LCMT1: variants seen among roughly 807,000 people sequenced by gnomAD.
LCMT1 encodes the protein leucine carboxyl methyltransferase 1, also known as [Phosphatase 2A protein]-leucine-carboxy methyltransferase 1.
In LCMT1, 32 loss-of-function variants were observed where a neutral mutation model predicts 47.7. The ratio of observed to expected loss-of-function variants is 0.67; its 90% CI spans 0.51 to 0.90. LCMT1 has a LOEUF of 0.90. LCMT1 is among the 40% of genes least tolerant of loss of function. The probability of loss-of-function intolerance (pLI) is 0.00; values close to 1 mark genes in which losing one functional copy is unlikely to be tolerated. For missense variants in LCMT1, 375 were observed against 415.2 expected (o/e 0.90, Z 0.84); for synonymous variants, 152 against 149.7 (o/e 1.02, Z -0.11).
intron 1 of LCMT1, among the ~76,000 whole-genome samples, chr16:25,124,885 T>C (rs1960114578): frequency 6.6e-6 from 1 of 152,168 alleles, no homozygotes; most frequent in Admixed American, 6.5e-5. Context: ...TACAGTGTTG[T>C]GTTAGAAAAT....
intron 3 of LCMT1, among the ~76,000 whole-genome samples, chr16:25,139,807 C>T (rs1047833304): frequency 1.3e-5 from 2 of 152,140 alleles, no homozygotes; most frequent in Non-Finnish European, 2.9e-5. Context: ...GTTGAGATTA[C>T]AGTCGTGAGC....
chr16:25,134,543 G>C (rs910965723), intron 3 of LCMT1, among the ~76,000 whole-genome samples: 2 of 152,122 alleles, frequency 1.3e-5, no homozygotes, highest in Non-Finnish European at 2.9e-5. Context: ...AGCCTCTGTG[G>C]TTTTTCAGGA....
At chr16:25,128,703 A>G (rs1960262590) in intron 2 of LCMT1, 137 bp downstream of exon 2, 1 of 651,900 alleles carries the variant, frequency 1.5e-6, no homozygotes, top group Non-Finnish European at 2.7e-6. Flanking sequence ...CTTCACCAAC[A>G]CGGTGTGTTA....
At chr16:25,112,078 C>G in intron 1 of LCMT1, 82 bp downstream of exon 1, 1 of 924,240 alleles carries the variant, frequency 1.1e-6, no homozygotes, top group Non-Finnish European at 1.7e-6. Context: ...GAAGAATACG[C>G]TCAAGGCTGG....
intron 5 of LCMT1, among the ~76,000 whole-genome samples, chr16:25,152,819 C>T (rs58025637): frequency 0.02 from 3,111 of 152,222 alleles, 98 homozygotes; most frequent in African/African-American, 0.072. Context: ...CAATTTTCTC[C>T]GTTTTTTCCC....
intron 4 of LCMT1, chr16:25,142,681 C>G (rs1960729699): frequency 6.6e-6 from 1 of 152,088 alleles, no homozygotes; most frequent in Non-Finnish European, 1.5e-5. Context: ...ATCTTTATAC[C>G]CAGCAGGGAC....
chr16:25,140,098 G>A, intron 3 of LCMT1, 73 bp from the exon 4 acceptor site: 1 of 1,134,368 alleles, frequency 8.8e-7, no homozygotes, highest in Non-Finnish European at 1.3e-6. Context: ...TAGGTGCCTA[G>A]TGCTTGATAT....
chr16:25,170,721 G>A lies in LCMT1; in HGVS notation c.800G>A (p.Arg267Gln), dbSNP rs1377550820. ...TCKSLESQKE[R>Q]LLSNGWETAS... ...CTTCGTTGCACATTTTAGAAAGAAC[G>A]GCTCCTGTCGAATGGGTGGGAAACA... is the stretch of plus-strand genomic sequence containing the variant. The change falls in exon 9 of 11, where the codon CGG becomes CAG. Residue 267 changes from arginine to glutamine, a missense_variant. Coordinates refer to ENST00000399069, the MANE Select transcript of LCMT1 (RefSeq NM_016309.3). 6.2e-6 allele frequency: 10 copies of A among 1,612,770 alleles called. No homozygotes were observed. The highest frequency in any genetic ancestry group is 1.3e-5 in the African/African-American group (1 of 74,872).
chr16:25,118,382 C>A (rs1959864712), intron 1 of LCMT1, among the ~76,000 whole-genome samples: 1 of 152,058 alleles, frequency 6.6e-6, no homozygotes, highest in African/African-American at 2.4e-5. Flanking sequence ...CTGCTTAGTT[C>A]CACATTATCT....
At chr16:25,135,817 G>A (rs1960486831) in intron 3 of LCMT1, among the ~76,000 whole-genome samples, 1 of 152,140 alleles carries the variant, frequency 6.6e-6, no homozygotes, top group Non-Finnish European at 1.5e-5. Flanking sequence ...GGGGCCAGGT[G>A]CAGTTGGTCA....
chr16:25,166,721 T>G (rs1345566392), intron 7 of LCMT1, among the ~76,000 whole-genome samples: 1 of 152,236 alleles, frequency 6.6e-6, no homozygotes, highest in Non-Finnish European at 1.5e-5. Flanking sequence ...GATCTAGGGC[T>G]AGCCCTTGGT....
At chr16:25,120,739 GTTTTT>G (rs972134934) in intron 1 of LCMT1, among the ~76,000 whole-genome samples, 1 of 103,576 alleles carries the variant, frequency 9.7e-6, no homozygotes, top group African/African-American at 3.7e-5. Context: ...TTGTTTTTTT[GTTTTT>G]TTTTTTTGTT....
intron 7 of LCMT1, 87 bp from the exon 8 acceptor site, chr16:25,169,025 G>A: frequency 1.0e-6 from 1 of 970,056 alleles, no homozygotes; most frequent in Non-Finnish European, 1.6e-6. Flanking sequence ...GTCAGCCTCG[G>A]CTGCTTAAAA....
At chr16:25,156,908 C>G (rs532897356) in intron 5 of LCMT1, among the ~76,000 whole-genome samples, 6 of 150,268 alleles carry the variant, frequency 4.0e-5, no homozygotes, top group Admixed American at 2.0e-4. Flanking sequence ...CTGTACAGTC[C>G]GGAAATCTGC....
intron 1 of LCMT1, among the ~76,000 whole-genome samples, chr16:25,125,331 T>C (rs1014588648): frequency 1.3e-5 from 2 of 152,256 alleles, no homozygotes; most frequent in African/African-American, 4.8e-5. Flanking sequence ...CTGTGTTCAG[T>C]GTTCCTGCAG....
intron 7 of LCMT1, among the ~76,000 whole-genome samples, chr16:25,165,598 A>G (rs915651857): frequency 4.3e-4 from 65 of 150,728 alleles, no homozygotes; most frequent in African/African-American, 1.5e-3. Flanking sequence ...GCTCACTGCA[A>G]CCTCCGCCTC....
intron 4 of LCMT1, chr16:25,148,204 G>A (rs1435295815): frequency 1.3e-5 from 2 of 152,350 alleles, no homozygotes; most frequent in Non-Finnish European, 2.9e-5. Context: ...TTCTTCTTCA[G>A]CCTTACAGCA....
chr16:25,162,279 T>C (rs1961454004), intron 6 of LCMT1, among the ~76,000 whole-genome samples: 1 of 152,158 alleles, frequency 6.6e-6, no homozygotes, highest in Admixed American at 6.5e-5. Context: ...TCTGCATCTG[T>C]TTCCTCTTCG....
chr16:25,169,419 T>G, intron 8 of LCMT1: 1 of 469,598 alleles, frequency 2.1e-6, no homozygotes, highest in Non-Finnish European at 3.9e-6. Context: ...ACCCTATTAT[T>G]TTGACTTTGT....
Sources: gnomAD v4.1 joint callset for allele counts (sites outside exome capture counted in the v4.1 genomes callset) on GRCh38, gnomAD v4.1.1 for gene constraint, MANE v1.5 for transcripts, NCBI Gene and HGNC (gene_info 2026-07-23, HGNC 2026-07-21) for gene names.